MYO16: variants seen among roughly 807,000 people sequenced by gnomAD.
The protein encoded by MYO16 is unconventional myosin-XVI.
Under a neutral mutation model 205.3 loss-of-function variants are expected in MYO16, and 94 were observed. The observed-to-expected ratio is 0.46, with a 90% CI of 0.39 to 0.54. The LOEUF (loss-of-function observed/expected upper bound fraction) is 0.54. Among genes scored for constraint, MYO16 ranks in the 20% least tolerant of loss-of-function variants. The probability of loss-of-function intolerance (pLI) is 0.00; values close to 1 mark genes in which losing one functional copy is unlikely to be tolerated. For missense variants in MYO16, 2,315 were observed against 2,387.5 expected (o/e 0.97, Z 0.63); for synonymous variants, 988 against 954.0 (o/e 1.04, Z -0.66).
intron 4 of MYO16, among the ~76,000 whole-genome samples, chr13:108,750,314 A>C (rs1885191334): frequency 1.3e-5 from 2 of 152,346 alleles, no homozygotes; most frequent in East Asian, 3.9e-4. Flanking sequence ...AGAATTTGAC[A>C]AGATAATTTA....
intron 16 of MYO16, among the ~76,000 whole-genome samples, chr13:108,934,607 C>T (rs747807412): frequency 2.2e-4 from 33 of 152,020 alleles, no homozygotes; most frequent in Admixed American, 3.9e-4. Flanking sequence ...TAATAGGTCT[C>T]TCTCACTTGT....
intron 29 of MYO16, among the ~76,000 whole-genome samples, chr13:109,121,391 A>G (rs887380753): frequency 1.3e-5 from 2 of 152,168 alleles, no homozygotes; most frequent in Admixed American, 6.5e-5. Context: ...CAGGTGTACT[A>G]TGGCGCTGGT....
chr13:109,009,928 G>T (rs143759280), intron 22 of MYO16, among the ~76,000 whole-genome samples: 352 of 152,166 alleles, frequency 2.3e-3, no homozygotes, highest in African/African-American at 8.1e-3. Flanking sequence ...TCTTCAAACC[G>T]GCAGGACTGT....
In MYO16 at chr13:109,141,146, C is replaced by T. The variant is rs1175139808; in HGVS notation, c.4934C>T (p.Ala1645Val). The T allele has an allele frequency of 2.5e-6, 4 of 1,599,784 alleles. No homozygotes were observed. The highest frequency in any genetic ancestry group is 3.4e-6 in the Non-Finnish European group (4 of 1,173,134). Residue 1645 changes from alanine to valine, a missense_variant, in exon 32 of 35, where the codon GCC becomes GTC. Ala to Val is a moderately conservative substitution (Grantham distance 64). This residue lies in a region of MYO16 where 1,097 missense variants were observed against 1,092.0 expected (regional missense o/e 1.00). Coordinates refer to ENST00000457511, the MANE Select transcript of MYO16 (RefSeq NM_001198950.3). The surrounding 1 kb of genome is among the most constrained non-coding windows in gnomAD (Gnocchi z 4.1). Reference sequence around the variant, plus strand: ...AAGGTTCACCCAAAGCCAAACTCTGCCCCCGTGGCCGGGCCCTGCAGCTCC... The same window carrying T: ...AAGGTTCACCCAAAGCCAAACTCTGTCCCCGTGGCCGGGCCCTGCAGCTCC... ...APKVHPKPNS[A>V]PVAGPCSSFP...
Position 108,915,481 on chromosome 13 carries a change from C to T in MYO16, c.1925+5331C>T, listed in dbSNP as rs1215880560. ...ACGGTTCTTCCTATATTGACTGCTT[C>T]CCCCTAACCCCCTCACCAGCAGCTG... On this transcript the variant is annotated intron_variant, in intron 16 of 34. Transcript: ENST00000457511. Among the ~76,000 whole-genome samples, 4 of 152,168 alleles carry T rather than the reference C, an allele frequency of 2.6e-5. No individual in the cohort carries two copies. The South Asian group carries it at 6.2e-4, about 24-fold the overall frequency.
At chr13:108,552,073 GT>G in the MYO16 span, among the ~76,000 whole-genome samples, 1 of 152,178 alleles carries the variant, frequency 6.6e-6, no homozygotes, top group Non-Finnish European at 1.5e-5. Flanking sequence ...TGATGATATG[GT>G]TATGAGGACC....
chr13:109,169,280 TAGAAAC>T (rs1183082872), intron 33 of MYO16, among the ~76,000 whole-genome samples: 4 of 152,102 alleles, frequency 2.6e-5, no homozygotes, highest in African/African-American at 4.8e-5. Flanking sequence ...GTCTAGAAAT[TAGAAAC>T]AGAACAAAAA....
chr13:109,028,256 A>G (rs914042822), intron 23 of MYO16, among the ~76,000 whole-genome samples: 2 of 131,032 alleles, frequency 1.5e-5, no homozygotes, highest in Non-Finnish European at 3.3e-5. Context: ...TAATATAAAA[A>G]ATATATAAAA....
chr13:109,057,378 T>C (rs1284714894), intron 27 of MYO16, among the ~76,000 whole-genome samples: 1 of 152,168 alleles, frequency 6.6e-6, no homozygotes, highest in African/African-American at 2.4e-5. Flanking sequence ...ACAAGATATT[T>C]GTGTTTAAAA....
chr13:108,923,178 G>A (rs1028456085), intron 16 of MYO16, among the ~76,000 whole-genome samples: 5 of 152,212 alleles, frequency 3.3e-5, no homozygotes, highest in African/African-American at 1.2e-4. Context: ...GGGAAGGAGA[G>A]GCCTGAGCCC....
intron 2 of MYO16, among the ~76,000 whole-genome samples, chr13:108,676,667 CA>C (rs1300557318): frequency 2.6e-5 from 4 of 152,082 alleles, no homozygotes; most frequent in African/African-American, 4.8e-5. Flanking sequence ...GAATATGGAC[CA>C]AAGCCCATGT....
chr13:108,622,736 A>T (rs1421488298), intron 1 of MYO16, among the ~76,000 whole-genome samples: 1 of 152,030 alleles, frequency 6.6e-6, no homozygotes, highest in African/African-American at 2.4e-5. Flanking sequence ...AAATAGGCTA[A>T]GAGAGATTCT....
intron 23 of MYO16, among the ~76,000 whole-genome samples, chr13:109,036,476 C>T (rs989912038): frequency 6.6e-6 from 1 of 152,076 alleles, no homozygotes; most frequent in Non-Finnish European, 1.5e-5. Flanking sequence ...TATTGCAGTG[C>T]TGGAGTGTTA....
In MYO16 at chr13:109,023,514, T is replaced by C. The variant is rs1210253508; in HGVS notation, c.2796+3603T>C. The stretch of plus-strand genomic sequence containing the variant: ...TATATATTATACAGATATAAATATA[T>C]ATATTTATAATTATATATACAATAT... On this transcript the variant is annotated intron_variant, in intron 23 of 34. Coordinates refer to ENST00000457511, the MANE Select transcript of MYO16 (RefSeq NM_001198950.3). Among the ~76,000 whole-genome samples the C allele has an allele frequency of 3.5e-4, 41 of 117,844 alleles. 1 individual carries two copies. Among genetic ancestry groups the C allele is most frequent in the African/African-American group, 1.3e-3 (37 of 29,512 alleles). The allele number at this position is 117,844 out of a possible 152,430, so 77.3% of individuals were successfully genotyped here. A position where few individuals can be genotyped will look rare whatever the true frequency, so the allele number is the denominator to read the frequency against.
At chr13:108,658,920 A>G (rs1881364131) in intron 1 of MYO16, among the ~76,000 whole-genome samples, 1 of 152,116 alleles carries the variant, frequency 6.6e-6, no homozygotes, top group Non-Finnish European at 1.5e-5. Context: ...TGCTCTTAGT[A>G]ATGTTTTGCC....
intron 9 of MYO16, 152 bp from the exon 10 acceptor site, chr13:108,844,191 G>A (rs539455646): frequency 3.4e-4 from 174 of 510,112 alleles, no homozygotes; most frequent in Non-Finnish European, 5.4e-4. Context: ...AAAGTTTACA[G>A]ATTTCTTACT....
chr13:108,536,133 A>G, the MYO16 span, among the ~76,000 whole-genome samples: 4 of 152,168 alleles, frequency 2.6e-5, no homozygotes, highest in Admixed American at 6.6e-5. Context: ...ATTGGAATAT[A>G]TAGTGTAGGC....
At position 108,683,575 on chromosome 13, in the gene MYO16, C is replaced by T. The variant is rs181250004; in HGVS notation, c.292+17426C>T. The stretch of plus-strand genomic sequence containing the variant: ...AAGCTCTAACTGGGCTAAGCACTGC[C>T]GCGTGATTGTGGAAGCCATTTTTGA... On this transcript the variant is annotated intron_variant, in intron 2 of 34. Transcript: ENST00000457511. 2.9e-3 allele frequency among the ~76,000 whole-genome samples: 444 copies of T among 152,210 alleles called. 1 individual carries two copies. The highest frequency in any genetic ancestry group is 5.2e-3 in the Non-Finnish European group (351 of 68,030).
At chr13:108,673,585 T>A (rs1882082950) in intron 2 of MYO16, among the ~76,000 whole-genome samples, 1 of 152,126 alleles carries the variant, frequency 6.6e-6, no homozygotes. Flanking sequence ...TACCTCTGTT[T>A]TCTTCTCCTA....
Sources: gnomAD v4.1 joint callset for allele counts (sites outside exome capture counted in the v4.1 genomes callset) on GRCh38, gnomAD v4.1.1 for gene constraint, gnomAD v4.1.1 regional missense constraint, Gnocchi (gnomAD v3.1) non-coding constraint, MANE v1.5 for transcripts, NCBI Gene and HGNC (gene_info 2026-07-23, HGNC 2026-07-21) for gene names.